The following MCF2 variants were observed in gnomAD, a reference collection of about 807,000 sequenced individuals.
MCF2 encodes the protein MCF.2 cell line derived transforming sequence.
Under a neutral mutation model 82.5 loss-of-function variants are expected in MCF2, and 44 were observed. The ratio of observed to expected loss-of-function variants is 0.53; its 90% CI spans 0.42 to 0.69. The LOEUF is 0.69. MCF2 is among the 30% of genes least tolerant of loss of function. The probability of loss-of-function intolerance (pLI) is 0.00; values close to 1 mark genes in which losing one functional copy is unlikely to be tolerated. For missense variants in MCF2, 623 were observed against 663.1 expected (o/e 0.94, Z 0.66); for synonymous variants, 217 against 224.9 (o/e 0.96, Z 0.32).
chrX:139,658,667 G>GTTTTTTTTTTTTT (rs1182070757), intron 1 of MCF2, among the ~76,000 whole-genome samples: 3 of 56,613 alleles, frequency 5.3e-5, no homozygotes, highest in African/African-American at 2.3e-4. Context: ...AAAAAGATGT[G>GTTTTTTTTTTTTT]TTTTTTTTTT....
intron 1 of MCF2, among the ~76,000 whole-genome samples, chrX:139,634,875 C>G (rs1933112236): frequency 9.0e-6 from 1 of 111,085 alleles, no homozygotes; most frequent in Admixed American, 9.6e-5. Flanking sequence ...GATGGAGGAT[C>G]ACTTGAGGCC....
chrX:139,682,931 CT>C (rs1245815024), intron 1 of MCF2, among the ~76,000 whole-genome samples: 1 of 111,481 alleles, frequency 9.0e-6, no homozygotes, highest in Non-Finnish European at 1.9e-5. Context: ...ATGTTGCAAA[CT>C]TTCTCCTTTT....
chrX:139,628,381 C>T (rs931273425), intron 4 of MCF2, among the ~76,000 whole-genome samples: 1 of 111,641 alleles, frequency 9.0e-6, no homozygotes, highest in South Asian at 3.8e-4. Context: ...GAACAGGAAA[C>T]CAAATACTGC....
chrX:139,678,130 T>C (rs141823001), intron 1 of MCF2, among the ~76,000 whole-genome samples: 1,564 of 111,966 alleles, frequency 0.014, 23 homozygotes, highest in African/African-American at 0.048. Context: ...ACCACTGCAC[T>C]ACAGCTTGGG....
At chrX:139,629,610 ACAGT>A (rs1932854917) in intron 4 of MCF2, 81 bp downstream of exon 7, 1 of 861,733 alleles carries the variant, frequency 1.2e-6, no homozygotes. Context: ...CCCTTATGCA[ACAGT>A]CAGTGTAAAA....
intron 1 of MCF2, among the ~76,000 whole-genome samples, chrX:139,678,043 G>C (rs966306486): frequency 9.0e-6 from 1 of 111,224 alleles, no homozygotes; most frequent in African/African-American, 3.3e-5. Context: ...GGCGCCTGTA[G>C]TCCCAGCTAC....
intron 6 of MCF2, among the ~76,000 whole-genome samples, chrX:139,621,464 A>C (rs1932350607): frequency 8.9e-6 from 1 of 111,735 alleles, no homozygotes; most frequent in African/African-American, 3.2e-5. Context: ...CAAAAATCTA[A>C]TATCCAGAAT....
At chrX:139,640,268 G>A (rs1306931840) in intron 1 of MCF2, among the ~76,000 whole-genome samples, 3 of 111,948 alleles carry the variant, frequency 2.7e-5, no homozygotes, top group Non-Finnish European at 5.6e-5. Flanking sequence ...ATGTTGAGAT[G>A]CTGACAGGCA....
chrX:139,617,473 G>A (rs1932003197), intron 8 of MCF2, 40 bp downstream of exon 11: 1 of 1,070,021 alleles, frequency 9.3e-7, no homozygotes, highest in African/African-American at 1.9e-5. Flanking sequence ...AAAAAAATGT[G>A]TGTTCCTTTT....
intron 19 of MCF2, among the ~76,000 whole-genome samples, chrX:139,595,035 T>C (rs1201898081): frequency 9.1e-6 from 1 of 110,244 alleles, no homozygotes; most frequent in African/African-American, 3.3e-5. Context: ...AGATATCATC[T>C]CACACCAGTT....
chrX:139,619,694 C>T (rs1418231081), exon 7 of MCF2: 3 of 1,155,146 alleles, frequency 2.6e-6, no homozygotes, highest in Non-Finnish European at 3.5e-6. Context: ...AGAAATTCAA[C>T]TTCAGTCACA....
At chrX:139,684,819 G>A (rs1280679045) in intron 1 of MCF2, among the ~76,000 whole-genome samples, 1 of 111,991 alleles carries the variant, frequency 8.9e-6, no homozygotes, top group East Asian at 2.8e-4. Context: ...TGAGGAAAAA[G>A]GTGGTTGGGA....
At chrX:139,613,621 C>A (rs1931663699) in intron 10 of MCF2, among the ~76,000 whole-genome samples, 1 of 111,481 alleles carries the variant, frequency 9.0e-6, no homozygotes, top group Non-Finnish European at 1.9e-5. Flanking sequence ...GCTAAGTGAA[C>A]TGTTCAAGGA....
In MCF2 at chrX:139,632,458, T is replaced by C. The variant is rs765243263; in HGVS notation, c.52-4A>G. 8.4e-7 allele frequency: 1 copy of C among 1,194,702 alleles called. No homozygotes were observed. Among genetic ancestry groups the C allele is most frequent in the Non-Finnish European group, 1.1e-6 (1 of 887,808 alleles). On this transcript the variant is annotated splice_region_variant and splice_polypyrimidine_tract_variant and intron_variant, in intron 1 of 24. Coordinates refer to ENST00000370576, the Ensembl canonical transcript of MCF2. ...GCAAGTTCCCAGGGAAGGAAGCCTGTAGAAAGAAAGAACAAAAGAAATTGG... is the reference window on the plus strand; with the variant it reads ...GCAAGTTCCCAGGGAAGGAAGCCTGCAGAAAGAAAGAACAAAAGAAATTGG...
chrX:139,680,470 T>G (rs1411864314), intron 1 of MCF2, among the ~76,000 whole-genome samples: 2 of 112,045 alleles, frequency 1.8e-5, no homozygotes, highest in African/African-American at 6.5e-5. Flanking sequence ...GGGCATTACT[T>G]TATTCACCCA....
chrX:139,614,150 G>T (rs983709706), intron 10 of MCF2, among the ~76,000 whole-genome samples: 1 of 110,542 alleles, frequency 9.0e-6, no homozygotes, highest in African/African-American at 3.3e-5. Flanking sequence ...GCAGCTCAAG[G>T]GAACCCCTGA....
intron 17 of MCF2, among the ~76,000 whole-genome samples, 182 bp downstream of exon 21, chrX:139,598,224 C>T (rs898865721): frequency 1.8e-5 from 2 of 112,144 alleles, no homozygotes; most frequent in Non-Finnish European, 3.8e-5. Flanking sequence ...GATATCTATG[C>T]CTATGGCATT....
At chrX:139,621,162 T>G (rs1932324125) in intron 6 of MCF2, among the ~76,000 whole-genome samples, 1 of 111,457 alleles carries the variant, frequency 9.0e-6, no homozygotes, top group Admixed American at 9.6e-5. Flanking sequence ...AGAGTGAAAC[T>G]GGACCCCTAC....
At chrX:139,684,109 T>C (rs1254899989) in intron 1 of MCF2, among the ~76,000 whole-genome samples, 2 of 112,207 alleles carry the variant, frequency 1.8e-5, no homozygotes, top group Non-Finnish European at 1.9e-5. Context: ...CCAGAGTATA[T>C]AGAGAACTCT....
Sources: allele counts gnomAD v4.1 joint callset (sites outside exome capture counted in the v4.1 genomes callset), GRCh38; gene constraint gnomAD v4.1.1; transcripts MANE v1.5; gene names NCBI Gene and HGNC (gene_info 2026-07-23, HGNC 2026-07-21).